The following TXNDC16 variants were observed in gnomAD, a reference collection of about 807,000 sequenced individuals.
TXNDC16 encodes thioredoxin domain-containing protein 16.
TXNDC16 carries 74 observed loss-of-function variants against 85.6 expected under a neutral mutation model. That is an observed-to-expected ratio of 0.86 (90% CI 0.72 to 1.05). TXNDC16 has a LOEUF of 1.05. Ranked by LOEUF, TXNDC16 falls within the 50% of genes least tolerant of loss-of-function variation. TXNDC16 has a pLI of 0.00. For missense variants in TXNDC16, 959 were observed against 947.0 expected, an observed-to-expected ratio of 1.01 and a Z score of -0.17; for synonymous variants, 335 against 326.5, an observed-to-expected ratio of 1.03 and a Z score of -0.28.
Position 52,438,158 on chromosome 14 carries a change from C to T in TXNDC16, c.2194+1046G>A, listed in dbSNP as rs147289980. ...CTACTGGTGAAAATGCTATGAACAT[C>T]GTTGAAATGACAGCAATGGATTTAG... On this transcript the variant is annotated intron_variant, in intron 20 of 20. Transcript: ENST00000281741. Among the ~76,000 whole-genome samples the T allele has an allele frequency of 1.4e-3, 207 of 152,252 alleles. 2 individuals carry two copies. Among genetic ancestry groups the T allele is most frequent in the Middle Eastern group, 6.8e-3 (2 of 294 alleles).
In TXNDC16 at chr14:52,452,225, G is replaced by GA. The variant is rs372738180; in HGVS notation, c.1842+3098dup. On this transcript the variant is annotated intron_variant, in intron 18 of 20. Coordinates refer to ENST00000281741, the MANE Select transcript of TXNDC16 (RefSeq NM_020784.3). The stretch of plus-strand genomic sequence containing the variant: ...GATGTCCCATGTTGATGGACTGGAA[G>GA]AATCACTGTTGTTAAAATGTTCTTA... 6.3e-4 allele frequency among the ~76,000 whole-genome samples: 96 copies of GA among 152,252 alleles called. 1 individual carries two copies. Among genetic ancestry groups the GA allele is most frequent in the African/African-American group, 2.3e-3 (95 of 41,550 alleles).
chr14:52,472,400 T>C (rs1403600552), intron 14 of TXNDC16, among the ~76,000 whole-genome samples: 6 of 152,212 alleles, frequency 3.9e-5, no homozygotes, highest in African/African-American at 1.2e-4. Context: ...GGTTTCACCA[T>C]GTTAGCCCTA....
At position 52,461,536 on chromosome 14, in the gene TXNDC16, T is replaced by C. The variant is rs184885744; in HGVS notation, c.1619-4362A>G. On this transcript the variant is annotated intron_variant, in intron 16 of 20. Transcript: ENST00000281741. ...ATTATGACACAGGTACCCTCCTTAATGTCTTTCTCAGTTGTCCTTAGTCCT... is the reference window on the plus strand; with the variant it reads ...ATTATGACACAGGTACCCTCCTTAACGTCTTTCTCAGTTGTCCTTAGTCCT... Among the ~76,000 whole-genome samples, 626 of 152,362 alleles carry C rather than the reference T, an allele frequency of 4.1e-3. 1 individual carries two copies. The highest frequency in any genetic ancestry group is 6.5e-3 in the Non-Finnish European group (445 of 68,038).
intron 4 of TXNDC16, among the ~76,000 whole-genome samples, chr14:52,538,990 G>A (rs1203295275): frequency 1.3e-5 from 2 of 152,130 alleles, no homozygotes; most frequent in East Asian, 1.9e-4. Context: ...GCATAAGGAT[G>A]GTTGGTATTA....
At position 52,482,882 on chromosome 14, in the gene TXNDC16, CTG is replaced by C; in HGVS notation, c.1190_1191del (p.Thr397ArgfsTer5). 6.2e-7 allele frequency: 1 copy of C among 1,612,366 alleles called. No homozygotes were observed. ...KLPLELTVELTEETFNATVMA... is the reference protein window; with the variant it reads ...KLPLELTVELXEETFNATVMA... ...ATCACTGTTGCATTAAATGTTTCTT[CTG>C]TTAGTTCCACTGTAAGTTCCAAAGG... On this transcript the variant is annotated frameshift_variant, in exon 13 of 21. Coordinates refer to ENST00000281741, the MANE Select transcript of TXNDC16 (RefSeq NM_020784.3). LOFTEE classifies it high-confidence loss of function.
intron 6 of TXNDC16, among the ~76,000 whole-genome samples, chr14:52,535,939 G>A (rs1025560915): frequency 2.6e-5 from 4 of 151,978 alleles, no homozygotes; most frequent in African/African-American, 7.3e-5. Context: ...TGGGAGGATC[G>A]CTTGAGCCTG....
rs1171574359 is a variant in TXNDC16, at chr14:52,528,643, A to C, written c.392+8076T>G. Among the ~76,000 whole-genome samples, 4 of 151,284 alleles carry C rather than the reference A, an allele frequency of 2.6e-5. No individual in the cohort carries two copies. The East Asian group carries it at 5.8e-4, about 22-fold the overall frequency. On this transcript the variant is annotated intron_variant, in intron 6 of 20. Transcript: ENST00000281741. ...AAAAAGACAAGAATATAAATACAAA[A>C]AAATTGCTTAGTAGTAAGTCACAGT...
rs1478042990 is a variant in TXNDC16, at chr14:52,543,304, T to C, written c.160+94A>G. ...TATAGTAACAGCTATATAGCACATA[T>C]TATTAATCTTAACAGAAATTTCCCA... On this transcript the variant is annotated intron_variant, in intron 3 of 20. Transcript: ENST00000281741. The C allele has an allele frequency of 7.5e-6, 10 of 1,337,074 alleles. No homozygotes were observed. The East Asian group carries it at 1.9e-4, about 25-fold the overall frequency. The allele number at this position is 1,337,074 out of a possible 1,614,324, so 82.8% of individuals were successfully genotyped here. A position where few individuals can be genotyped will look rare whatever the true frequency, so the allele number is the denominator to read the frequency against.
In TXNDC16 at chr14:52,482,368, G is replaced by T; in HGVS notation, c.1253-79C>A. 2.5e-6 allele frequency: 3 copies of T among 1,206,764 alleles called. No individual in the cohort carries two copies. The South Asian group carries it at 4.1e-5, about 16-fold the overall frequency. 74.8% of individuals were successfully genotyped at this position (1,206,764 alleles called of 1,614,324 possible). A position where few individuals can be genotyped will look rare whatever the true frequency, so the allele number is the denominator to read the frequency against. ...CACACTGATATGTAACAAATATACA[G>T]ATTTATGAGGTTTCCCAAAATTATT... On this transcript the variant is annotated intron_variant, in intron 13 of 20. Coordinates refer to ENST00000281741, the MANE Select transcript of TXNDC16 (RefSeq NM_020784.3).
chr14:52,493,206 T>TAC (rs71125111), intron 9 of TXNDC16, among the ~76,000 whole-genome samples: 2,246 of 132,356 alleles, frequency 0.017, 40 homozygotes, highest in African/African-American at 0.035. Flanking sequence ...TATATATATA[T>TAC]ATATATATAT....
At chr14:52,455,265 T>C (rs757916079) in intron 18 of TXNDC16, 59 bp downstream of exon 18, 30 of 1,588,024 alleles carry the variant, frequency 1.9e-5, no homozygotes, top group Non-Finnish European at 2.3e-5. Context: ...GAACATATAC[T>C]ACCTTTGACT....
intron 6 of TXNDC16, among the ~76,000 whole-genome samples, chr14:52,533,470 A>C (rs2037629765): frequency 6.6e-6 from 1 of 152,166 alleles, no homozygotes; most frequent in Admixed American, 6.5e-5. Context: ...CCATAGACAT[A>C]TCTCACATCC....
chr14:52,433,417 T>C (rs1369899731), intron 20 of TXNDC16, among the ~76,000 whole-genome samples: 1 of 152,144 alleles, frequency 6.6e-6, no homozygotes, highest in East Asian at 1.9e-4. Flanking sequence ...AAAAATAAAC[T>C]ATATAAGGAA....
intron 9 of TXNDC16, among the ~76,000 whole-genome samples, chr14:52,493,193 CTATATATATATA>C (rs555994196): frequency 2.4e-5 from 3 of 126,132 alleles, no homozygotes; most frequent in Non-Finnish European, 4.9e-5. Context: ...TGTCACTGTT[CTATATATATATA>C]TATATATATA....
chr14:52,543,654 AAG>A, intron 2 of TXNDC16, 24 bp from the exon 3 acceptor site: 3 of 1,372,330 alleles, frequency 2.2e-6, no homozygotes, highest in South Asian at 1.3e-5. Context: ...GGTATTCAAC[AAG>A]AGTTTGTTGA....
chr14:52,501,428 G>C (rs908402489), intron 9 of TXNDC16, among the ~76,000 whole-genome samples: 4 of 152,136 alleles, frequency 2.6e-5, no homozygotes, highest in African/African-American at 9.7e-5. Flanking sequence ...AAAAGACTTT[G>C]TAAACATACC....
chr14:52,515,230 T>C (rs1194212793), intron 7 of TXNDC16, among the ~76,000 whole-genome samples: 1 of 152,200 alleles, frequency 6.6e-6, no homozygotes, highest in Non-Finnish European at 1.5e-5. Flanking sequence ...AACAAACTTG[T>C]GGTAGTTTCT....
chr14:52,468,158 G>A (rs1752554171), intron 16 of TXNDC16, among the ~76,000 whole-genome samples: 2 of 152,244 alleles, frequency 1.3e-5, no homozygotes, highest in African/African-American at 4.8e-5. Context: ...AGATGAAAAT[G>A]TTCTGGAGAT....
intron 12 of TXNDC16, among the ~76,000 whole-genome samples, chr14:52,484,874 T>A (rs569164760): frequency 5.3e-5 from 8 of 151,994 alleles, no homozygotes; most frequent in African/African-American, 1.9e-4. Context: ...AAAGTGAAAC[T>A]CTGTCTCAAA....
Sources: allele counts gnomAD v4.1 joint callset (sites outside exome capture counted in the v4.1 genomes callset), GRCh38; gene constraint gnomAD v4.1.1; transcripts MANE v1.5; gene names NCBI Gene and HGNC (gene_info 2026-07-23, HGNC 2026-07-21).